The following CDK13 variants were observed in gnomAD, a reference collection of about 807,000 sequenced individuals.
The protein encoded by CDK13 is cyclin dependent kinase 13.
CDK13 carries 40 observed loss-of-function variants against 137.6 expected under a neutral mutation model. The ratio of observed to expected loss-of-function variants is 0.29; its 90% CI spans 0.23 to 0.38. CDK13 has a LOEUF of 0.38. Among genes scored for constraint, CDK13 ranks in the 10% least tolerant of loss-of-function variants. The pLI is 1.00. For missense variants in CDK13, 1,704 were observed against 1,951.8 expected (o/e 0.87, Z 2.39); for synonymous variants, 869 against 760.1 (o/e 1.14, Z -2.36).
chr7:40,051,090 A>T (rs1459665628), intron 7 of CDK13, among the ~76,000 whole-genome samples: 1 of 152,120 alleles, frequency 6.6e-6, no homozygotes, highest in Non-Finnish European at 1.5e-5. Flanking sequence ...TGATGTAGAA[A>T]TTTTGAGTTT....
chr7:39,951,361 G>A lies in CDK13; in HGVS notation c.720G>A (p.Glu240=), dbSNP rs1341049972. The change falls in exon 1 of 14, where the codon GAG becomes GAA. Residue 240 remains glutamate (E), a synonymous_variant. Coordinates refer to ENST00000181839, the MANE Select transcript of CDK13 (RefSeq NM_003718.5). The part of the protein sequence containing the change: ...KSRSRHSHSG[E]ERAEVAKSGS... ...GCAGCCGCCACAGCCACAGCGGCGAGGAACGGGCCGAGGTCGCCAAGAGCG... is the reference window on the plus strand; with the variant it reads ...GCAGCCGCCACAGCCACAGCGGCGAAGAACGGGCCGAGGTCGCCAAGAGCG... 5 of 1,501,998 alleles carry A rather than the reference G, an allele frequency of 3.3e-6. No individual in the cohort carries two copies. The highest frequency in any genetic ancestry group is 4.4e-6 in the Non-Finnish European group (5 of 1,131,706). 93.0% of individuals were successfully genotyped at this position (1,501,998 alleles called of 1,614,324 possible). A position where few individuals can be genotyped will look rare whatever the true frequency, so the allele number is the denominator to read the frequency against.
intron 5 of CDK13, among the ~76,000 whole-genome samples, chr7:40,027,777 T>A (rs1785277069): frequency 6.6e-6 from 1 of 151,434 alleles, no homozygotes; most frequent in African/African-American, 2.4e-5. Flanking sequence ...AGCCTTACAG[T>A]TCTCTTACGA....
intron 5 of CDK13, among the ~76,000 whole-genome samples, chr7:40,011,754 CAG>C (rs1263794055): frequency 2.0e-5 from 3 of 151,840 alleles, no homozygotes; most frequent in Non-Finnish European, 4.4e-5. Context: ...ACACCAAAAG[CAG>C]GGGCAACAAA....
chr7:40,088,363 C>A, intron 12 of CDK13, 32 bp downstream of exon 12: 1 of 1,553,288 alleles, frequency 6.4e-7, no homozygotes, highest in Non-Finnish European at 8.9e-7. Flanking sequence ...TGGTTTTCTT[C>A]ACATTGTTTT....
intron 7 of CDK13, among the ~76,000 whole-genome samples, chr7:40,059,452 A>G (rs748785536): frequency 7.9e-5 from 12 of 152,118 alleles, no homozygotes; most frequent in Non-Finnish European, 1.8e-4. Flanking sequence ...CTCTGCCTCC[A>G]GGGTTTAAGC....
chr7:39,957,205 C>T (rs1328734979), intron 1 of CDK13, among the ~76,000 whole-genome samples: 2 of 149,006 alleles, frequency 1.3e-5, no homozygotes, highest in Admixed American at 6.8e-5. Flanking sequence ...CTGTCCTTGC[C>T]TCCCAAAGTG....
At chr7:39,958,383 A>G (rs1787490749) in intron 1 of CDK13, among the ~76,000 whole-genome samples, 3 of 152,152 alleles carry the variant, frequency 2.0e-5, no homozygotes, top group Non-Finnish European at 4.4e-5. Flanking sequence ...GTTTGCAAGC[A>G]TAATAGAGGC....
chr7:39,995,746 G>A (rs57007966), intron 2 of CDK13, among the ~76,000 whole-genome samples: 3 of 152,074 alleles, frequency 2.0e-5, no homozygotes, highest in Non-Finnish European at 4.4e-5. Context: ...GGTGGCTCAC[G>A]CCTGTAATCC....
At chr7:40,038,319 A>C (rs995105849) in intron 5 of CDK13, among the ~76,000 whole-genome samples, 3 of 152,202 alleles carry the variant, frequency 2.0e-5, no homozygotes, top group African/African-American at 7.2e-5. Context: ...TTGTTAGTAG[A>C]CAAAAATCAC....
chr7:40,088,742 A>G (rs1786847103), intron 12 of CDK13, among the ~76,000 whole-genome samples: 1 of 152,144 alleles, frequency 6.6e-6, no homozygotes, highest in Non-Finnish European at 1.5e-5. Context: ...TAGCGTCCTC[A>G]TGTCACTCCT....
intron 5 of CDK13, among the ~76,000 whole-genome samples, chr7:40,005,865 A>G (rs1423533116): frequency 6.6e-6 from 1 of 152,014 alleles, no homozygotes; most frequent in African/African-American, 2.4e-5. Flanking sequence ...GGGACCACAC[A>G]CGCATGACAG....
chr7:40,031,609 A>G (rs969163033), intron 5 of CDK13, among the ~76,000 whole-genome samples: 2 of 151,910 alleles, frequency 1.3e-5, no homozygotes, highest in Non-Finnish European at 2.9e-5. Flanking sequence ...TGTCTGTTCA[A>G]ATGTTTTGCC....
intron 5 of CDK13, among the ~76,000 whole-genome samples, chr7:40,036,180 AC>A (rs1785479137): frequency 1.7e-5 from 2 of 119,502 alleles, no homozygotes; most frequent in Non-Finnish European, 3.0e-5. Flanking sequence ...AATTACACAC[AC>A]ACACACACAC....
chr7:40,094,043 A>G, intron 13 of CDK13, 87 bp from the exon 14 acceptor site: 1 of 1,449,254 alleles, frequency 6.9e-7, no homozygotes. Context: ...AATCATCTTT[A>G]GAACTACCTA....
chr7:40,088,545 T>A (rs976905204), intron 12 of CDK13, among the ~76,000 whole-genome samples: 1 of 152,216 alleles, frequency 6.6e-6, no homozygotes, highest in Non-Finnish European at 1.5e-5. Flanking sequence ...AGCATCAAAT[T>A]ACCTGACTGG....
intron 1 of CDK13, chr7:39,952,100 A>G: frequency 5.2e-6 from 2 of 384,086 alleles, no homozygotes; most frequent in Non-Finnish European, 9.2e-6. Context: ...TTTCTAAGGA[A>G]GAATTAAAAG....
rs1446772331 is a variant in CDK13 at position 40,097,158 on chromosome 7, T to A, written c.*2178T>A. On this transcript the variant is annotated 3_prime_UTR_variant, in exon 14 of 14. Transcript: ENST00000181839. ...AACTGTGTTTGGATAGTTTTTCTAA[T>A]CAAACATTTCAGTTATATATTTATG... The A allele has an allele frequency of 6.6e-6, 1 of 152,154 alleles. No individual in the cohort carries two copies. Among genetic ancestry groups the A allele is most frequent in the Non-Finnish European group, 1.5e-5 (1 of 67,990 alleles). 9.4% of individuals were successfully genotyped at this position (152,154 alleles called of 1,614,324 possible). A position where few individuals can be genotyped will look rare whatever the true frequency, so the allele number is the denominator to read the frequency against.
chr7:39,960,633 G>A (rs117006135), intron 1 of CDK13, among the ~76,000 whole-genome samples: 1 of 151,644 alleles, frequency 6.6e-6, no homozygotes, highest in Non-Finnish European at 1.5e-5. Flanking sequence ...GTGCAGTGGC[G>A]TGATCTCGGC....
At position 39,999,341 on chromosome 7, in the gene CDK13, T is replaced by C; in HGVS notation, c.2043-20T>C. 1 of 1,585,720 alleles carries C rather than the reference T, an allele frequency of 6.3e-7. No homozygotes were observed. The highest frequency in any genetic ancestry group is 8.6e-7 in the Non-Finnish European group (1 of 1,168,182). ...AATTTGCTTGATTGTATATAAAAAC[T>C]TTAGAACTATATTTGATAGAATATG... On this transcript the variant is annotated intron_variant, in intron 3 of 13. Coordinates refer to ENST00000181839, the MANE Select transcript of CDK13 (RefSeq NM_003718.5).
Sources: allele counts gnomAD v4.1 joint callset (sites outside exome capture counted in the v4.1 genomes callset), GRCh38; gene constraint gnomAD v4.1.1; transcripts MANE v1.5; gene names NCBI Gene and HGNC (gene_info 2026-07-23, HGNC 2026-07-21).